Variants in PSD3 observed in about 807,000 individuals in gnomAD.
The protein encoded by PSD3 is pleckstrin and Sec7 domain containing 3.
In PSD3, 49 loss-of-function variants were observed where a neutral mutation model predicts 105.5. That is an observed-to-expected ratio of 0.46 (90% CI 0.37 to 0.59). The LOEUF is 0.59. PSD3 is among the 20% of genes least tolerant of loss of function. PSD3 has a pLI of 0.00. For synonymous variants in PSD3, 557 were observed against 457.8 expected, an observed-to-expected ratio of 1.22 and a Z score of -2.77; for missense variants, 1,561 against 1,263.8, an observed-to-expected ratio of 1.24 and a Z score of -3.57.
intron 1 of PSD3, among the ~76,000 whole-genome samples, chr8:18,960,339 C>T (rs1011545090): frequency 2.0e-5 from 3 of 152,060 alleles, no homozygotes; most frequent in Non-Finnish European, 4.4e-5. Context: ...GATGAGTAAT[C>T]GATGGCATGT....
chr8:18,594,310 T>TTATTATATATATTATATAATATA (rs1803906953), intron 12 of PSD3, among the ~76,000 whole-genome samples: 1 of 12,000 alleles, frequency 8.3e-5, no homozygotes, highest in African/African-American at 2.2e-4. Context: ...ATAATATATA[T>TTATTATATATATTATATAATATA]TATTATATAT....
At chr8:18,630,794 A>G (rs1806842093) in intron 11 of PSD3, among the ~76,000 whole-genome samples, 1 of 151,994 alleles carries the variant, frequency 6.6e-6, no homozygotes, top group African/African-American at 2.4e-5. Context: ...TCTGCATTGA[A>G]TATGTACAGA....
At chr8:19,016,771 G>C (rs1827191603), upstream of PSD3, among the ~76,000 whole-genome samples, 1 of 152,216 alleles carries the variant, frequency 6.6e-6, no homozygotes, top group Non-Finnish European at 1.5e-5. Context: ...CACATGGTGA[G>C]GGTGGTTCCA....
chr8:18,745,673 G>C (rs28807223), intron 9 of PSD3, among the ~76,000 whole-genome samples: 19,960 of 152,200 alleles, frequency 0.13, 1,709 homozygotes, highest in East Asian at 0.4. Context: ...CATTGATATT[G>C]AGATATCAGT....
intron 2 of PSD3, among the ~76,000 whole-genome samples, chr8:18,934,480 G>A (rs1003421135): frequency 1.3e-5 from 2 of 151,988 alleles, no homozygotes; most frequent in Non-Finnish European, 2.9e-5. Flanking sequence ...GCGTGATCTC[G>A]GCTCACTGCA....
intron 12 of PSD3, among the ~76,000 whole-genome samples, chr8:18,579,836 T>G (rs13257158): frequency 0.28 from 42,434 of 152,110 alleles, 7,071 homozygotes; most frequent in East Asian, 0.45. Context: ...TACTATTTAC[T>G]TCATGCCTCA....
At chr8:19,018,508 CAT>C (rs1260819097), upstream of PSD3, among the ~76,000 whole-genome samples, 4 of 152,060 alleles carry the variant, frequency 2.6e-5, no homozygotes, top group Non-Finnish European at 4.4e-5. Context: ...AAAGAAAAAA[CAT>C]ATAATTTTGA....
At chr8:18,806,704 G>T (rs1811237084) in intron 4 of PSD3, among the ~76,000 whole-genome samples, 1 of 152,186 alleles carries the variant, frequency 6.6e-6, no homozygotes, top group Non-Finnish European at 1.5e-5. Context: ...CATGCCAGCT[G>T]GGCTGAATTG....
At chr8:18,749,549 AAGGTTACTCATC>A (rs1274227931) in intron 9 of PSD3, among the ~76,000 whole-genome samples, 4 of 150,388 alleles carry the variant, frequency 2.7e-5, no homozygotes, top group African/African-American at 1.0e-4. Flanking sequence ...AGATGGAACT[AAGGTTACTCATC>A]AACTAACCTT....
chr8:18,610,882 A>T (rs1162293577), intron 11 of PSD3, among the ~76,000 whole-genome samples: 1 of 152,182 alleles, frequency 6.6e-6, no homozygotes, highest in Non-Finnish European at 1.5e-5. Flanking sequence ...TCACACCATG[A>T]TGCCCACTAT....
chr8:18,912,765 T>C (rs987831516), intron 2 of PSD3, among the ~76,000 whole-genome samples: 3 of 152,184 alleles, frequency 2.0e-5, no homozygotes, highest in Non-Finnish European at 4.4e-5. Context: ...GGTGGGACCC[T>C]ATTGCTTCAT....
intron 8 of PSD3, among the ~76,000 whole-genome samples, chr8:18,771,759 T>C (rs1431312543): frequency 6.6e-6 from 1 of 152,238 alleles, no homozygotes; most frequent in Non-Finnish European, 1.5e-5. Context: ...GAGTTTACCA[T>C]GTTAACAGTT....
At chr8:18,806,828 C>A (rs552143663) in intron 4 of PSD3, among the ~76,000 whole-genome samples, 1 of 151,990 alleles carries the variant, frequency 6.6e-6, no homozygotes, top group Non-Finnish European at 1.5e-5. Context: ...AAAGGGGAAA[C>A]GGAGATAATA....
chr8:18,782,469 T>C (rs533088391), intron 8 of PSD3, among the ~76,000 whole-genome samples: 54 of 152,318 alleles, frequency 3.5e-4, no homozygotes, highest in African/African-American at 1.2e-3. Context: ...AGTTCCTCAG[T>C]GGATAAAGCT....
At chr8:18,845,550 C>T (rs1424425119) in intron 4 of PSD3, among the ~76,000 whole-genome samples, 1 of 152,210 alleles carries the variant, frequency 6.6e-6, no homozygotes, top group African/African-American at 2.4e-5. Context: ...GTCAGCCACA[C>T]CCATGAGGGC....
chr8:18,556,375 T>G, intron 14 of PSD3, 23 bp from the exon 15 acceptor site: 1 of 1,589,742 alleles, frequency 6.3e-7, no homozygotes, highest in Non-Finnish European at 8.5e-7. Context: ...ATGATGCCAT[T>G]TAGCGTTCAA....
intron 11 of PSD3, among the ~76,000 whole-genome samples, chr8:18,631,915 T>C (rs531775191): frequency 4.7e-4 from 71 of 152,170 alleles, no homozygotes; most frequent in African/African-American, 1.6e-3. Context: ...TCACCTTATC[T>C]TACTCTGTTC....
In PSD3 at chr8:19,023,428, T is replaced by TTTATTTATTTA. The variant is rs1242703169; in HGVS notation, c.324+60777_324+60778insTAAATAAATAA. ...ATTTATTTATTTATTTATTTATTTATTTATTTATTATTTCTTTAGAGACAG... is the reference window on the plus strand; with the variant it reads ...ATTTATTTATTTATTTATTTATTTATTTATTTATTTATTATTTATTATTTCTTTAGAGACAG... On this transcript the variant is annotated intron_variant, in intron 1 of 1. Transcript: ENST00000521475. 2.9e-5 allele frequency among the ~76,000 whole-genome samples: 4 copies of TTTATTTATTTA among 135,988 alleles called. No individual in the cohort carries two copies. In the East Asian group the frequency reaches 8.4e-4, roughly 29 times the overall value. The allele number at this position is 135,988 out of a possible 152,430, so 89.2% of individuals were successfully genotyped here. A position where few individuals can be genotyped will look rare whatever the true frequency, so the allele number is the denominator to read the frequency against.
chr8:19,027,062 C>T (rs908166972), intron 1 of PSD3, among the ~76,000 whole-genome samples: 8 of 151,990 alleles, frequency 5.3e-5, no homozygotes, highest in African/African-American at 1.9e-4. Context: ...AAGAGGACTG[C>T]AAATAGAATT....
Sources: allele counts gnomAD v4.1 joint callset (sites outside exome capture counted in the v4.1 genomes callset), GRCh38; gene constraint gnomAD v4.1.1; transcripts MANE v1.5; gene names NCBI Gene and HGNC (gene_info 2026-07-23, HGNC 2026-07-21).